Variants in SZT2 observed in about 807,000 individuals in gnomAD.
The protein encoded by SZT2 is SZT2 subunit of KICSTOR complex, also known as KICSTOR complex protein SZT2.
A neutral mutation model predicts 404.2 loss-of-function variants in SZT2; 216 were observed. The observed-to-expected ratio is 0.53, with a 90% CI of 0.48 to 0.60. The LOEUF (loss-of-function observed/expected upper bound fraction) is 0.60, where lower values mean the gene tolerates loss of function less well. Ranked by LOEUF, SZT2 falls within the 20% of genes least tolerant of loss-of-function variation. The pLI is 0.00. For synonymous variants in SZT2, 1,693 were observed against 1,749.9 expected (o/e 0.97, Z 0.81); for missense variants, 3,857 against 4,459.2 (o/e 0.86, Z 3.85).
chr1:43,449,929 C>T, intron 70 of SZT2, 174 bp from the exon 71 acceptor site: 6 of 717,156 alleles, frequency 8.4e-6, no homozygotes, highest in Non-Finnish European at 1.4e-5. Flanking sequence ...ACCAGCAAGC[C>T]AGCGAGGATG....
Position 43,420,247 on chromosome 1 carries a change from G to A in SZT2, c.1185G>A (p.Val395=), listed in dbSNP as rs774350841. 3 of 1,598,458 alleles carry A rather than the reference G, an allele frequency of 1.9e-6. No homozygotes were observed. The highest frequency in any genetic ancestry group is 2.2e-5 in the East Asian group (1 of 44,888). ...GGAAGAAGCACACTGAGAAGGAGGTGCCAGCCGACTTGGTCAGCACTGTGT... is the reference window on the plus strand; with the variant it reads ...GGAAGAAGCACACTGAGAAGGAGGTACCAGCCGACTTGGTCAGCACTGTGT... ...LRRKKHTEKE[V]PADLVSTVSV... The change falls in exon 9 of 72, where the codon GTG becomes GTA. Residue 395 remains valine (V), a synonymous_variant. Coordinates refer to ENST00000634258, the MANE Select transcript of SZT2 (RefSeq NM_001365999.1). The surrounding 1 kb of genome is among the most constrained non-coding windows in gnomAD (Gnocchi z 5.1).
intron 28 of SZT2, chr1:43,429,368 A>G (rs756192141): frequency 8.2e-6 from 2 of 243,798 alleles, no homozygotes; most frequent in East Asian, 9.0e-5. Context: ...CCTTGTTTCT[A>G]CAAAAGAATT....
At position 43,426,845 on chromosome 1, in the gene SZT2, A is replaced by G. The variant is rs199517234; in HGVS notation, c.3309+36A>G. 1.2e-6 allele frequency: 2 copies of G among 1,601,628 alleles called. No homozygotes were observed. Among genetic ancestry groups the G allele is most frequent in the Non-Finnish European group, 1.7e-6 (2 of 1,170,404 alleles). ...ATTCTTCTCCCTGAGCCCTTGTCAC[A>G]CTGACCTCCTTCCAGCACCACATCT... On this transcript the variant is annotated intron_variant, in intron 23 of 71. Coordinates refer to ENST00000634258, the MANE Select transcript of SZT2 (RefSeq NM_001365999.1). This position sits in a 1 kb window ranked among gnomAD's most constrained non-coding sequence, Gnocchi z 4.9.
At chr1:43,447,264 T>A in intron 66 of SZT2, 96 bp downstream of exon 66, 1 of 1,348,550 alleles carries the variant, frequency 7.4e-7, no homozygotes, top group Non-Finnish European at 1.0e-6. Context: ...GGACAAGTGG[T>A]CCCATGTTGT....
intron 12 of SZT2, 104 bp from the exon 13 acceptor site, chr1:43,422,376 C>A (rs1652469760): frequency 2.0e-6 from 3 of 1,493,556 alleles, no homozygotes; most frequent in Non-Finnish European, 2.7e-6. Context: ...CTCTTCAGTC[C>A]CCATAACCTC....
At position 43,423,075 on chromosome 1, in the gene SZT2, G is replaced by T. The variant is rs1403383039; in HGVS notation, c.2038-24G>T. 3.8e-6 allele frequency: 6 copies of T among 1,564,120 alleles called. No individual in the cohort carries two copies. The East Asian group carries it at 1.4e-4, about 36-fold the overall frequency. On this transcript the variant is annotated intron_variant, in intron 14 of 71. Coordinates refer to ENST00000634258, the MANE Select transcript of SZT2 (RefSeq NM_001365999.1). ...GACCTGTAGGAGATGGGAGTAAGAG[G>T]ATGTGACCACATTTTCCCCTCAGAT...
rs780388714 is a variant in SZT2, at chr1:43,443,668, G to C, written c.8697G>C (p.Ser2899=). The C allele has an allele frequency of 8.7e-6, 14 of 1,614,080 alleles. No homozygotes were observed. Among genetic ancestry groups the C allele is most frequent in the Admixed American group, 8.3e-5 (5 of 60,012 alleles). ...CAAGCTGTGAATCCTTGGATGTGTC[G>C]CCCCCGGGAGCCCGTGAGGAGCCTT... ...APTSCESLDV[S]PPGAREEPWL... The change falls in exon 62 of 72, where the codon TCG becomes TCC. Residue 2899 remains serine (S), a synonymous_variant. Coordinates refer to ENST00000634258, the MANE Select transcript of SZT2 (RefSeq NM_001365999.1).
rs1297464117 is a variant in SZT2, at chr1:43,447,971, G to A, written c.9563G>A (p.Arg3188Gln). ...EQGEAERHVL[R>Q]LQFFVVLTSQ... The stretch of plus-strand genomic sequence containing the variant: ...GGAGAGGCTGAGCGGCACGTTCTGC[G>A]GTCAGCAGATCCCCTACCTTGAACA... Residue 3188 changes from arginine (R) to glutamine (Q), a missense_variant and splice_region_variant, in exon 68 of 72, where the codon CGG (arginine) becomes CAG (glutamine). Arg to Gln is a conservative substitution (Grantham distance 43, BLOSUM62 1). Transcript: ENST00000634258. 10 of 1,613,714 alleles carry A rather than the reference G, an allele frequency of 6.2e-6. No homozygotes were observed. The highest frequency in any genetic ancestry group is 4.5e-5 in the East Asian group (2 of 44,872).
At position 43,442,299 on chromosome 1, in the gene SZT2, A is replaced by T; in HGVS notation, c.7905A>T (p.Gly2635=). The stretch of plus-strand genomic sequence containing the variant: ...AAGCCATGCAGCGCTTCGAGCCAGG[A>T]GGTGATGGGAGCTCAGGGCGAAATG... ...AAKAMQRFEP[G]GDGSSGRNAP... Residue 2635 remains glycine, a synonymous_variant, in exon 57 of 72, where the codon GGA becomes GGT. Coordinates refer to ENST00000634258, the MANE Select transcript of SZT2 (RefSeq NM_001365999.1). This position sits in a 1 kb window ranked among gnomAD's most constrained non-coding sequence, Gnocchi z 4.5. 1 of 1,613,928 alleles carries T rather than the reference A, an allele frequency of 6.2e-7. No homozygotes were observed. The highest frequency in any genetic ancestry group is 8.5e-7 in the Non-Finnish European group (1 of 1,179,954).
At chr1:43,430,283 C>T in intron 30 of SZT2, 28 bp from the exon 31 acceptor site, 1 of 1,613,170 alleles carries the variant, frequency 6.2e-7, no homozygotes, top group Non-Finnish European at 8.5e-7. Flanking sequence ...ATTCTTGCCT[C>T]ATCATCTTGC....
Position 43,423,827 on chromosome 1 carries a change from G to A in SZT2, c.2256-390G>A, listed in dbSNP as rs149043410. ...TATGAGTGATACAGAGGTATGGAAG[G>A]GCGTGGCTTAGCGAGGTATGAGTAG... On this transcript the variant is annotated intron_variant, in intron 15 of 71. Transcript: ENST00000634258. Among the ~76,000 whole-genome samples the A allele has an allele frequency of 1.3e-3, 194 of 150,950 alleles. 1 individual carries two copies. Among genetic ancestry groups the A allele is most frequent in the Non-Finnish European group, 2.2e-3 (149 of 67,742 alleles).
rs562335719 is a variant in SZT2, at chr1:43,439,173, C to G, written c.6792+80C>G. 8 of 1,590,992 alleles carry G rather than the reference C, an allele frequency of 5.0e-6. No individual in the cohort carries two copies. The South Asian group carries it at 9.0e-5, about 18-fold the overall frequency. On this transcript the variant is annotated intron_variant, in intron 48 of 71. Transcript: ENST00000634258. The surrounding 1 kb of genome is among the most constrained non-coding windows in gnomAD (Gnocchi z 4.2). ...ACGCACTTACTCTTTCCTACCGATACCCCTATATGTACCTTTGCCCATGGA... is the reference window on the plus strand; with the variant it reads ...ACGCACTTACTCTTTCCTACCGATAGCCCTATATGTACCTTTGCCCATGGA...
intron 46 of SZT2, 199 bp downstream of exon 46, chr1:43,438,101 C>T (rs982726363): frequency 1.7e-6 from 1 of 572,370 alleles, no homozygotes; most frequent in Non-Finnish European, 3.1e-6. Flanking sequence ...TCCTATTACT[C>T]TGCCCTGGGT....
Position 43,445,926 on chromosome 1 carries a change from G to A in SZT2, c.8858G>A (p.Gly2953Glu). 6.8e-6 allele frequency: 11 copies of A among 1,614,222 alleles called. No individual in the cohort carries two copies. The highest frequency in any genetic ancestry group is 9.3e-6 in the Non-Finnish European group (11 of 1,180,046). ...CGGCCACGGGCCATGGCTATCCTTG[G>A]AACAGAGGGTCGAGGCTCCTTCTCC... ...TSRPRAMAIL[G>E]TEGRGSFSCP... Residue 2953 changes from glycine (G) to glutamate (E), a missense_variant, in exon 63 of 72, where the codon GGA (glycine) becomes GAA (glutamate). Gly to Glu is a moderately conservative substitution (Grantham distance 98, BLOSUM62 -2). This residue lies in a region of SZT2 where 717 missense variants were observed against 868.2 expected (regional missense o/e 0.83). Coordinates refer to ENST00000634258, the MANE Select transcript of SZT2 (RefSeq NM_001365999.1).
Position 43,450,788 on chromosome 1 carries a change from C to T in SZT2, c.*308C>T, listed in dbSNP as rs1183240701. ...CCTGGTAGAGTCTCGGGAGTTCACA[C>T]AGGGTGGCAAACACCCCCTAGAGCT... is the stretch of plus-strand genomic sequence containing the variant. On this transcript the variant is annotated 3_prime_UTR_variant, in exon 72 of 72. Coordinates refer to ENST00000634258, the MANE Select transcript of SZT2 (RefSeq NM_001365999.1). The surrounding 1 kb of genome is among the most constrained non-coding windows in gnomAD (Gnocchi z 4.3). The T allele has an allele frequency of 1.4e-6, 1 of 709,064 alleles. No individual in the cohort carries two copies. The highest frequency in any genetic ancestry group is 2.6e-6 in the Non-Finnish European group (1 of 383,240). 43.9% of individuals were successfully genotyped at this position (709,064 alleles called of 1,614,324 possible).
At position 43,450,972 on chromosome 1, in the gene SZT2, G is replaced by A. The variant is rs149275281; in HGVS notation, c.*492G>A. ...CCAGCTCTGCCTTTGAAGCACTTGT[G>A]GCCACCGTCAAGTCCCTTTGCTCTC... is the stretch of plus-strand genomic sequence containing the variant. On this transcript the variant is annotated 3_prime_UTR_variant, in exon 72 of 72. Transcript: ENST00000634258. The surrounding 1 kb of genome is among the most constrained non-coding windows in gnomAD (Gnocchi z 4.3). 30 of 763,246 alleles carry A rather than the reference G, an allele frequency of 3.9e-5. No individual in the cohort carries two copies. The African/African-American group carries it at 4.6e-4, about 12-fold the overall frequency. The allele number at this position is 763,246 out of a possible 1,614,324, so 47.3% of individuals were successfully genotyped here. A position where few individuals can be genotyped will look rare whatever the true frequency, so the allele number is the denominator to read the frequency against.
At chr1:43,403,902 A>C in intron 3 of SZT2, 128 bp downstream of exon 3, 1 of 1,054,712 alleles carries the variant, frequency 9.5e-7, no homozygotes, top group Admixed American at 2.1e-5. Context: ...TTATAAAGGA[A>C]TGATGGGTGT....
At chr1:43,447,496 TG>T in intron 66 of SZT2, 48 bp from the exon 67 acceptor site, 1 of 1,590,928 alleles carries the variant, frequency 6.3e-7, no homozygotes, top group Non-Finnish European at 8.6e-7. Flanking sequence ...CAGACCAGTG[TG>T]TCTGTCCTAG....
At chr1:43,404,245 C>G in intron 3 of SZT2, 135 bp from the exon 4 acceptor site, 1 of 735,174 alleles carries the variant, frequency 1.4e-6, no homozygotes, top group African/African-American at 1.8e-5. Flanking sequence ...AGAAACTGTT[C>G]CATGTGTGGC....
Sources: gnomAD v4.1 joint callset for allele counts (sites outside exome capture counted in the v4.1 genomes callset) on GRCh38, gnomAD v4.1.1 for gene constraint, gnomAD v4.1.1 regional missense constraint, Gnocchi (gnomAD v3.1) non-coding constraint, MANE v1.5 for transcripts, NCBI Gene and HGNC (gene_info 2026-07-23, HGNC 2026-07-21) for gene names.